Variants in NOTCH3 observed in about 807,000 individuals in gnomAD.
NOTCH3 encodes the protein neurogenic locus notch homolog protein 3.
A neutral mutation model predicts 213.3 loss-of-function variants in NOTCH3; 86 were observed. The ratio of observed to expected loss-of-function variants is 0.40; its 90% CI spans 0.34 to 0.48. NOTCH3 has a LOEUF of 0.48. Among genes scored for constraint, NOTCH3 ranks in the 20% least tolerant of loss-of-function variants. The probability of loss-of-function intolerance (pLI) is 0.57; values close to 1 mark genes in which losing one functional copy is unlikely to be tolerated. For synonymous variants in NOTCH3, 1,354 were observed against 1,355.9 expected, an observed-to-expected ratio of 1.00 and a Z score of 0.03; for missense variants, 2,783 against 3,272.6, an observed-to-expected ratio of 0.85 and a Z score of 3.65.
At chr19:15,166,230 A>T in intron 29 of NOTCH3, 139 bp from the exon 30 acceptor site, 3 of 739,370 alleles carry the variant, frequency 4.1e-6, no homozygotes, top group Non-Finnish European at 7.0e-6. Flanking sequence ...GCACACCCAC[A>T]CCCAGAATGA....
chr19:15,192,192 G>A lies in NOTCH3; in HGVS notation c.447C>T (p.Gly149=). ...DGRFLCSCPP[G]YQGRSCRSDV... is the part of the protein sequence containing the mutation. ...CGCTTCGGCAGCTGCGGCCCTGGTA[G>A]CCAGGTGGGCAGGAGCAGAGGAAGC... The change falls in exon 4 of 33, where the codon GGC becomes GGT. Residue 149 remains glycine (G), a synonymous_variant. Transcript: ENST00000263388. 6.2e-7 allele frequency: 1 copy of A among 1,612,270 alleles called. No individual in the cohort carries two copies. Among genetic ancestry groups the A allele is most frequent in the Non-Finnish European group, 8.5e-7 (1 of 1,179,696 alleles).
intron 2 of NOTCH3, among the ~76,000 whole-genome samples, chr19:15,195,444 G>T (rs2046962008): frequency 6.6e-6 from 1 of 151,238 alleles, no homozygotes; most frequent in South Asian, 2.1e-4. Context: ...GCCCCCCGAC[G>T]CTGCCAACCC....
chr19:15,200,642 A>G (rs1242385436), intron 1 of NOTCH3, 146 bp downstream of exon 1: 2 of 504,872 alleles, frequency 4.0e-6, no homozygotes, highest in Non-Finnish European at 5.7e-6. Flanking sequence ...TGGGTCCTCC[A>G]GGACTGGCAT....
At chr19:15,164,826 C>T (rs2046672718) in intron 31 of NOTCH3, among the ~76,000 whole-genome samples, 1 of 151,732 alleles carries the variant, frequency 6.6e-6, no homozygotes, top group Non-Finnish European at 1.5e-5. Flanking sequence ...GTCTGTCCCC[C>T]AGGCTGGAGT....
Position 15,187,241 on chromosome 19 carries a change from A to G in NOTCH3, c.1704T>C (p.Cys568=). 1 of 1,614,152 alleles carries G rather than the reference A, an allele frequency of 6.2e-7. No individual in the cohort carries two copies. Residue 568 remains cysteine (C), a synonymous_variant, in exon 11 of 33, where the codon TGT becomes TGC. Transcript: ENST00000263388. ...TGCCCGTGTAGCCAGGAGCACAGGC[A>G]CATGAGAAGCTGGCGATGCCATCCA... The part of the protein sequence containing the change: ...RCVDGIASFS[C]ACAPGYTGTR...
intron 16 of NOTCH3, among the ~76,000 whole-genome samples, 158 bp downstream of exon 16, chr19:15,184,137 A>C (rs989142478): frequency 1.3e-5 from 2 of 151,802 alleles, no homozygotes; most frequent in Non-Finnish European, 2.9e-5. Context: ...TTGCACAAGA[A>C]GTCACTCAAC....
In NOTCH3 at chr19:15,170,831, G is replaced by C; in HGVS notation, c.4737-6C>G. The stretch of plus-strand genomic sequence containing the variant: ...TCTCCAGCATTACTACCGAGCTGCA[G>C]GGACAGCAGGGAGGGACCAGAGGGC... On this transcript the variant is annotated splice_polypyrimidine_tract_variant and splice_region_variant and intron_variant, in intron 25 of 32. Transcript: ENST00000263388. The C allele has an allele frequency of 1.2e-6, 2 of 1,612,930 alleles. No individual in the cohort carries two copies. Among genetic ancestry groups the C allele is most frequent in the South Asian group, 2.2e-5 (2 of 90,862 alleles).
chr19:15,168,985 C>A (rs2046707799), intron 28 of NOTCH3, among the ~76,000 whole-genome samples: 2 of 152,052 alleles, frequency 1.3e-5, no homozygotes, highest in African/African-American at 4.8e-5. Flanking sequence ...GCAGTCATAG[C>A]TCACTGCAGG....
chr19:15,160,282 A>G lies in NOTCH3; in HGVS notation c.*380T>C, dbSNP rs1192323654. The G allele has an allele frequency of 2.4e-5, 6 of 245,118 alleles. No individual in the cohort carries two copies. Among genetic ancestry groups the G allele is most frequent in the African/African-American group, 1.3e-4 (6 of 45,586 alleles). The allele number at this position is 245,118 out of a possible 1,614,324, so 15.2% of individuals were successfully genotyped here. A position where few individuals can be genotyped will look rare whatever the true frequency, so the allele number is the denominator to read the frequency against. ...AAATAATAATAATAAGTTTGTTTAA[A>G]TGAATTTGTTTCTATACAAAATGTA... On this transcript the variant is annotated 3_prime_UTR_variant, in exon 33 of 33. Coordinates refer to ENST00000263388, the MANE Select transcript of NOTCH3 (RefSeq NM_000435.3).
intron 31 of NOTCH3, among the ~76,000 whole-genome samples, chr19:15,164,833 G>T (rs1395498530): frequency 4.0e-5 from 6 of 151,766 alleles, no homozygotes; most frequent in Admixed American, 3.9e-4. Context: ...CCCCAGGCTG[G>T]AGTGCAGGGG....
intron 12 of NOTCH3, 145 bp downstream of exon 12, chr19:15,186,733 C>A: frequency 1.3e-6 from 1 of 742,516 alleles, no homozygotes; most frequent in Non-Finnish European, 2.4e-6. Context: ...CAACCTTATG[C>A]CAATGAGACA....
rs1386844320 is a variant in NOTCH3 at position 15,185,473 on chromosome 19, A to G, written c.2144+14T>C. 11 of 1,612,788 alleles carry G rather than the reference A, an allele frequency of 6.8e-6. 1 individual carries two copies. The East Asian group carries it at 1.6e-4, about 23-fold the overall frequency. ...GGAGAGGGGGCAGTGTCTGAGGCTG[A>G]GAAGGGCCCTCACCCGCCAGGTGCA... On this transcript the variant is annotated intron_variant, in intron 13 of 32. Transcript: ENST00000263388. The surrounding 1 kb of genome is among the most constrained non-coding windows in gnomAD (Gnocchi z 4.2).
At chr19:15,196,477 G>T (rs1280161010) in intron 2 of NOTCH3, among the ~76,000 whole-genome samples, 1 of 151,982 alleles carries the variant, frequency 6.6e-6, no homozygotes, top group Non-Finnish European at 1.5e-5. Flanking sequence ...GGCTCTTCTT[G>T]GTCTAAAATC....
chr19:15,183,187 G>A (rs1235055752), intron 16 of NOTCH3, among the ~76,000 whole-genome samples: 1 of 151,994 alleles, frequency 6.6e-6, no homozygotes, highest in Non-Finnish European at 1.5e-5. Flanking sequence ...CCAGGAGTTC[G>A]AGACTGCACT....
Position 15,197,554 on chromosome 19 carries a change from G to A in NOTCH3, c.143C>T (p.Pro48Leu), listed in dbSNP as rs1362111590. Residue 48 changes from proline (P) to leucine (L), a missense_variant, in exon 2 of 33, where the codon CCG becomes CTG. Physicochemically the swap from Pro to Leu is moderately conservative, Grantham distance 98 (BLOSUM62 -3). Around this residue, in one of 6 missense-constraint regions of NOTCH3, gnomAD observed 708 missense variants for 906.6 expected, o/e 0.78. Transcript: ENST00000263388. Reference protein sequence around the residue: ...AAAPPCLDGSPCANGGRCTQL... With the variant: ...AAAPPCLDGSLCANGGRCTQL... ...GGTGCAACGACCTCCATTTGCACACGGGCTTCCGTCCAGGCAAGGGGGGGC... is the reference window on the plus strand; with the variant it reads ...GGTGCAACGACCTCCATTTGCACACAGGCTTCCGTCCAGGCAAGGGGGGGC... The A allele has an allele frequency of 1.1e-5, 17 of 1,604,652 alleles. No individual in the cohort carries two copies. Among genetic ancestry groups the A allele is most frequent in the Non-Finnish European group, 1.4e-5 (17 of 1,175,722 alleles).
At chr19:15,179,519 C>T in intron 20 of NOTCH3, 23 bp from the exon 21 acceptor site, 1 of 1,613,124 alleles carries the variant, frequency 6.2e-7, no homozygotes, top group Non-Finnish European at 8.5e-7. Context: ...AAGAGAGGGA[C>T]CCACTCAGCT....
At chr19:15,195,148 C>T (rs1568363067) in intron 2 of NOTCH3, among the ~76,000 whole-genome samples, 1 of 152,076 alleles carries the variant, frequency 6.6e-6, no homozygotes, top group Non-Finnish European at 1.5e-5. Flanking sequence ...GCAACTCTCA[C>T]TCACAGGGAC....
In NOTCH3 at chr19:15,185,246, G is replaced by A. The variant is rs185008303; in HGVS notation, c.2296+11C>T. 10 of 1,613,054 alleles carry A rather than the reference G, an allele frequency of 6.2e-6. No homozygotes were observed. Among genetic ancestry groups the A allele is most frequent in the South Asian group, 1.1e-5 (1 of 91,074 alleles). On this transcript the variant is annotated intron_variant, in intron 14 of 32. Transcript: ENST00000263388. This position sits in a 1 kb window ranked among gnomAD's most constrained non-coding sequence, Gnocchi z 4.2. ...GTTGGTGGGGCTGCAGAGGGAAGGTGAGGTACACACCCTGGACACCAGGCG... is the reference window on the plus strand; with the variant it reads ...GTTGGTGGGGCTGCAGAGGGAAGGTAAGGTACACACCCTGGACACCAGGCG...
intron 2 of NOTCH3, among the ~76,000 whole-genome samples, chr19:15,193,967 C>T (rs1009129654): frequency 2.1e-5 from 3 of 145,632 alleles, no homozygotes; most frequent in East Asian, 2.1e-4. Flanking sequence ...GTGTAGTCCC[C>T]GCTACTCAGG....
Sources: allele counts gnomAD v4.1 joint callset (sites outside exome capture counted in the v4.1 genomes callset), GRCh38; gene constraint gnomAD v4.1.1; regional missense constraint gnomAD v4.1.1; non-coding constraint Gnocchi (gnomAD v3.1); transcripts MANE v1.5; gene names NCBI Gene and HGNC (gene_info 2026-07-23, HGNC 2026-07-21).